The following AGMO variants were observed in gnomAD, a reference collection of about 807,000 sequenced individuals.
The protein encoded by AGMO is glyceryl-ether monooxygenase.
Under a neutral mutation model 60.2 loss-of-function variants are expected in AGMO, and 75 were observed. That is an observed-to-expected ratio of 1.25 (90% CI 1.03 to 1.51). AGMO has a LOEUF of 1.51. AGMO is among the 40% of genes most tolerant of loss of function. AGMO has a pLI of 0.00. For missense variants in AGMO, 763 were observed against 525.5 expected (o/e 1.45, Z -4.42); for synonymous variants, 261 against 177.1 (o/e 1.47, Z -3.76).
chr7:15,503,331 G>A (rs1462710536), intron 3 of AGMO, among the ~76,000 whole-genome samples: 1 of 151,806 alleles, frequency 6.6e-6, no homozygotes, highest in Admixed American at 6.6e-5. Flanking sequence ...GAAGAAAGTA[G>A]GATGAAAAAA....
At chr7:15,395,185 T>A (rs1489408285) in intron 5 of AGMO, among the ~76,000 whole-genome samples, 1 of 152,326 alleles carries the variant, frequency 6.6e-6, no homozygotes, top group East Asian at 1.9e-4. Flanking sequence ...TTTTAAGACA[T>A]GACTCACTTT....
downstream of AGMO, among the ~76,000 whole-genome samples, chr7:15,198,239 G>C (rs945914159): frequency 0.011 from 1,214 of 108,914 alleles, 34 homozygotes; most frequent in African/African-American, 0.059. Context: ...GAGAGAGAGA[G>C]AGAGAGAGAG....
intron 12 of AGMO, among the ~76,000 whole-genome samples, chr7:15,250,359 G>A (rs1782893673): frequency 6.6e-6 from 1 of 152,074 alleles, no homozygotes; most frequent in Non-Finnish European, 1.5e-5. Context: ...GAAAAATTAA[G>A]GCACAACAGT....
In AGMO at chr7:15,275,128, T is replaced by C. The variant is rs1783742058; in HGVS notation, c.1264-73769A>G. Among the ~76,000 whole-genome samples the C allele has an allele frequency of 3.3e-5, 5 of 152,084 alleles. No homozygotes were observed. In the South Asian group the frequency reaches 1.0e-3, roughly 32 times the overall value. On this transcript the variant is annotated intron_variant, in intron 12 of 12. Transcript: ENST00000342526. Reference sequence around the variant, plus strand: ...TTATTGATTTCACAGTTTCTGGAGGTGCAAAGTTAGGGTATTAATTTAAGA... The same window carrying C: ...TTATTGATTTCACAGTTTCTGGAGGCGCAAAGTTAGGGTATTAATTTAAGA...
intron 3 of AGMO, among the ~76,000 whole-genome samples, chr7:15,433,731 A>G (rs914682583): frequency 1.3e-5 from 2 of 151,104 alleles, no homozygotes; most frequent in Non-Finnish European, 3.0e-5. Flanking sequence ...TCTGTTCAAT[A>G]ACATTTTTCT....
intron 4 of AGMO, among the ~76,000 whole-genome samples, chr7:15,425,194 C>T (rs191360816): frequency 2.6e-5 from 4 of 152,028 alleles, no homozygotes; most frequent in African/African-American, 9.7e-5. Context: ...ATTAATTGAT[C>T]GGTTCAAATT....
rs546528931 is a variant in AGMO at position 15,397,283 on chromosome 7, G to T, written c.610-3104C>A. Among the ~76,000 whole-genome samples the T allele has an allele frequency of 9.2e-5, 14 of 151,934 alleles. No homozygotes were observed. In the South Asian group the frequency reaches 2.9e-3, roughly 31 times the overall value. On this transcript the variant is annotated intron_variant, in intron 5 of 12. Transcript: ENST00000342526. ...ACCCTGATCAAGCCCAGCAGGCGCC[G>T]GCTGGCCGCGCCCAGTGCGCGGTCC...
At chr7:15,119,189 G>C in the AGMO span, among the ~76,000 whole-genome samples, 33 of 151,778 alleles carry the variant, frequency 2.2e-4, no homozygotes, top group African/African-American at 8.0e-4. Context: ...AATGCTGGTC[G>C]TGGGCCCTGG....
At chr7:15,250,873 A>C (rs947616606) in intron 12 of AGMO, among the ~76,000 whole-genome samples, 1 of 151,860 alleles carries the variant, frequency 6.6e-6, no homozygotes, top group African/African-American at 2.4e-5. Context: ...TGAACCCGGG[A>C]GGCAGACGTT....
intron 12 of AGMO, among the ~76,000 whole-genome samples, chr7:15,266,392 T>C (rs1783432618): frequency 6.7e-6 from 1 of 149,454 alleles, no homozygotes; most frequent in Non-Finnish European, 1.5e-5. Context: ...TTTACTGCAA[T>C]GGAAAAAGCA....
chr7:15,290,462 A>G (rs537706723), intron 12 of AGMO, among the ~76,000 whole-genome samples: 2 of 152,250 alleles, frequency 1.3e-5, no homozygotes, highest in South Asian at 4.1e-4. Flanking sequence ...TCTTTGAAGG[A>G]CTTCTTAAAG....
chr7:15,220,439 G>C (rs6946183), intron 12 of AGMO, among the ~76,000 whole-genome samples: 3 of 151,010 alleles, frequency 2.0e-5, no homozygotes, highest in East Asian at 3.9e-4. Context: ...GGTTGATCTC[G>C]AACTCTGAGC....
intron 12 of AGMO, among the ~76,000 whole-genome samples, chr7:15,217,888 ATTATTTAT>A (rs1285123391): frequency 6.6e-6 from 1 of 152,054 alleles, no homozygotes; most frequent in African/African-American, 2.4e-5. Context: ...GAGAAATATT[ATTATTTAT>A]TTATTTAACT....
the AGMO span, among the ~76,000 whole-genome samples, chr7:15,154,772 A>C: frequency 1.3e-5 from 2 of 151,910 alleles, no homozygotes; most frequent in Non-Finnish European, 2.9e-5. Flanking sequence ...TTCCTTAAGG[A>C]TCTCTTGTAA....
intron 12 of AGMO, among the ~76,000 whole-genome samples, chr7:15,275,749 G>T (rs1420807470): frequency 6.6e-6 from 1 of 151,940 alleles, no homozygotes; most frequent in East Asian, 1.9e-4. Context: ...TTAGGATGGT[G>T]ATATCTTTTT....
At chr7:15,394,838 A>G (rs1169011052) in intron 5 of AGMO, among the ~76,000 whole-genome samples, 1 of 152,206 alleles carries the variant, frequency 6.6e-6, no homozygotes, top group Non-Finnish European at 1.5e-5. Flanking sequence ...ATGGTCTACC[A>G]TTACATCTTA....
At chr7:15,527,894 A>C (rs1562553524) in intron 3 of AGMO, among the ~76,000 whole-genome samples, 1 of 152,284 alleles carries the variant, frequency 6.6e-6, no homozygotes, top group East Asian at 1.9e-4. Context: ...TGGTTTGCTG[A>C]CTATTTTAAG....
intron 12 of AGMO, among the ~76,000 whole-genome samples, chr7:15,327,867 T>A (rs1225938990): frequency 6.6e-6 from 1 of 150,398 alleles, no homozygotes; most frequent in Non-Finnish European, 1.5e-5. Context: ...CAGCCTCAGG[T>A]GATGCTCCCA....
intron 12 of AGMO, among the ~76,000 whole-genome samples, chr7:15,299,886 C>CACACACACACACACACAAAA (rs774065679): frequency 8.7e-6 from 1 of 114,642 alleles, no homozygotes; most frequent in African/African-American, 4.2e-5. Flanking sequence ...CACACACACA[C>CACACACACACACACACAAAA]AGTATGTTTT....
Sources: allele counts gnomAD v4.1 joint callset (sites outside exome capture counted in the v4.1 genomes callset), GRCh38; gene constraint gnomAD v4.1.1; transcripts MANE v1.5; gene names NCBI Gene and HGNC (gene_info 2026-07-23, HGNC 2026-07-21).